Variants in IL21R observed in about 807,000 individuals in gnomAD.
IL21R encodes interleukin 21 receptor.
IL21R carries 14 observed loss-of-function variants against 41.3 expected under a neutral mutation model. The observed-to-expected ratio is 0.34, with a 90% confidence interval of 0.22 to 0.53. The LOEUF (loss-of-function observed/expected upper bound fraction) is 0.53. Ranked by LOEUF, IL21R falls within the 20% of genes least tolerant of loss-of-function variation. The pLI is 0.94. For synonymous variants in IL21R, 286 were observed against 287.6 expected, an observed-to-expected ratio of 0.99 and a Z score of 0.05; for missense variants, 588 against 681.6, an observed-to-expected ratio of 0.86 and a Z score of 1.53.
chr16:27,443,817 A>G (rs890619434), intron 5 of IL21R: 1 of 151,658 alleles, frequency 6.6e-6, no homozygotes, highest in African/African-American at 2.4e-5. Context: ...TAGAGGGCCC[A>G]TTGTTTCAAA....
chr16:27,421,366 C>T (rs118139452), intron 1 of IL21R, among the ~76,000 whole-genome samples: 6,169 of 139,738 alleles, frequency 0.044, 145 homozygotes, highest in Non-Finnish European at 0.057. Context: ...AAAGAGCCAG[C>T]TGGGATTTTT....
intron 1 of IL21R, 99 bp downstream of exon 1, chr16:27,402,717 T>A: frequency 5.4e-6 from 1 of 183,762 alleles, no homozygotes; most frequent in South Asian, 1.0e-4. Flanking sequence ...GTGGGAGGGC[T>A]CGGAGGACTG....
At chr16:27,436,562 C>T (rs1036522965) in intron 3 of IL21R, among the ~76,000 whole-genome samples, 4 of 152,194 alleles carry the variant, frequency 2.6e-5, no homozygotes, top group African/African-American at 9.7e-5. Flanking sequence ...AGAGAGTGGT[C>T]ATGTTCAGAT....
intron 7 of IL21R, among the ~76,000 whole-genome samples, chr16:27,445,802 G>C (rs549383348): frequency 6.6e-6 from 1 of 152,166 alleles, no homozygotes; most frequent in Admixed American, 6.5e-5. Context: ...ACATAACCAC[G>C]ATATCCCTTC....
At chr16:27,430,876 T>G (rs950429250) in intron 2 of IL21R, among the ~76,000 whole-genome samples, 1 of 149,390 alleles carries the variant, frequency 6.7e-6, no homozygotes, top group African/African-American at 2.6e-5. Flanking sequence ...TAGCAGGCAC[T>G]GGTGGTCCCT....
At position 27,418,515 on chromosome 16, in the gene IL21R, C is replaced by T. The variant is rs533465952; in HGVS notation, c.-16-11541C>T. 1.2e-3 allele frequency among the ~76,000 whole-genome samples: 190 copies of T among 152,124 alleles called. 1 individual carries two copies. Among genetic ancestry groups the T allele is most frequent in the African/African-American group, 4.1e-3 (171 of 41,506 alleles). On this transcript the variant is annotated intron_variant, in intron 1 of 8. Transcript: ENST00000337929. The stretch of plus-strand genomic sequence containing the variant: ...TCCAGAGTAGCTGGGACTACAGGTG[C>T]GCGCCACCACGCTCGGCTAATTTTT...
chr16:27,442,502 T>G lies in IL21R; in HGVS notation c.353-460T>G, dbSNP rs1166673492. ...CCTCAGCCTCCCGAGTAGATGGGAC[T>G]ACAGGCGCCCGCCACCACGCCCGGC... On this transcript the variant is annotated intron_variant, in intron 4 of 8. Transcript: ENST00000337929. 2.0e-5 allele frequency among the ~76,000 whole-genome samples: 3 copies of G among 152,288 alleles called. No individual in the cohort carries two copies. In the East Asian group the frequency reaches 5.8e-4, roughly 29 times the overall value.
rs369521371 is a variant in IL21R, at chr16:27,434,476, C to T, written c.152+27C>T. ...TAAGTAGCCGGGCCTCACCAGTCCC[C>T]GGGGATGCAATTCAGGGTGCCTGCT... On this transcript the variant is annotated intron_variant, in intron 3 of 8. Coordinates refer to ENST00000337929, the MANE Select transcript of IL21R (RefSeq NM_181078.3). The T allele has an allele frequency of 4.2e-4, 613 of 1,451,556 alleles. 1 individual carries two copies. Among genetic ancestry groups the T allele is most frequent in the Admixed American group, 7.3e-4 (43 of 58,860 alleles). 89.9% of individuals were successfully genotyped at this position (1,451,556 alleles called of 1,614,324 possible). A position where few individuals can be genotyped will look rare whatever the true frequency, so the allele number is the denominator to read the frequency against.
At chr16:27,416,372 A>T (rs1596569739) in intron 1 of IL21R, among the ~76,000 whole-genome samples, 1 of 152,268 alleles carries the variant, frequency 6.6e-6, no homozygotes, top group East Asian at 1.9e-4. Context: ...TCCTGACCTC[A>T]GGTCATCCAC....
intron 1 of IL21R, among the ~76,000 whole-genome samples, chr16:27,412,681 A>C (rs1461513788): frequency 6.6e-6 from 1 of 152,030 alleles, no homozygotes; most frequent in Non-Finnish European, 1.5e-5. Flanking sequence ...GTTTTATACA[A>C]GTCTTTCTCC....
At position 27,450,936 on chromosome 16, in the gene IL21R, T is replaced by C. The variant is rs1411886720; in HGVS notation, c.*1653T>C. On this transcript the variant is annotated 3_prime_UTR_variant, in exon 9 of 9. Transcript: ENST00000337929. ...GGAAGGTTCCTTCGTGACTCATCTG[T>C]GAAGTGGGGTGGTTGGGAGAGGTAG... 4.3e-6 allele frequency: 1 copy of C among 232,940 alleles called. No individual in the cohort carries two copies. Among genetic ancestry groups the C allele is most frequent in the Non-Finnish European group, 8.5e-6 (1 of 118,148 alleles). 14.4% of individuals were successfully genotyped at this position (232,940 alleles called of 1,614,324 possible).
chr16:27,419,122 G>A (rs2086956407), intron 1 of IL21R, among the ~76,000 whole-genome samples: 1 of 152,084 alleles, frequency 6.6e-6, no homozygotes, highest in Non-Finnish European at 1.5e-5. Context: ...GGCTGAGACA[G>A]GAGAATCACT....
At chr16:27,430,158 C>T (rs1200553106) in intron 2 of IL21R, 38 bp downstream of exon 2, 1 of 1,578,518 alleles carries the variant, frequency 6.3e-7, no homozygotes. Flanking sequence ...TGGGGAGGGC[C>T]CCCATCACAG....
In IL21R at chr16:27,449,916, T is replaced by C; in HGVS notation, c.*633T>C. ...TCTGAATCCCGACTCTGATACCTTC[T>C]GGCTGTGCTACCTGAGCCAAGTCGC... On this transcript the variant is annotated 3_prime_UTR_variant, in exon 9 of 9. Coordinates refer to ENST00000337929, the MANE Select transcript of IL21R (RefSeq NM_181078.3). 1 of 234,012 alleles carries C rather than the reference T, an allele frequency of 4.3e-6. No homozygotes were observed. Among genetic ancestry groups the C allele is most frequent in the Non-Finnish European group, 8.4e-6 (1 of 118,580 alleles). 14.5% of individuals were successfully genotyped at this position (234,012 alleles called of 1,614,324 possible). A position where few individuals can be genotyped will look rare whatever the true frequency, so the allele number is the denominator to read the frequency against.
At chr16:27,427,956 A>C (rs907218132) in intron 1 of IL21R, among the ~76,000 whole-genome samples, 15 of 152,204 alleles carry the variant, frequency 9.9e-5, no homozygotes, top group African/African-American at 3.6e-4. Flanking sequence ...TTAAATTTTT[A>C]AGTGTGCTTA....
chr16:27,437,381 T>C (rs2087289104), intron 3 of IL21R, 107 bp from the exon 4 acceptor site: 2 of 913,504 alleles, frequency 2.2e-6, no homozygotes, highest in Admixed American at 3.8e-5. Context: ...CTCAAATCCC[T>C]CCCAGCCCTG....
intron 1 of IL21R, among the ~76,000 whole-genome samples, chr16:27,423,229 C>T (rs1395841721): frequency 7.1e-6 from 1 of 140,494 alleles, no homozygotes; most frequent in African/African-American, 3.0e-5. Context: ...CTCTCTTGTG[C>T]AGTTTTTTTT....
Position 27,449,457 on chromosome 16 carries a change from CAT to C in IL21R, c.*175_*176del, listed in dbSNP as rs1491459849. The C allele has an allele frequency of 5.5e-5, 35 of 632,332 alleles. No individual in the cohort carries two copies. Among genetic ancestry groups the C allele is most frequent in the African/African-American group, 1.9e-4 (9 of 47,336 alleles). The allele number at this position is 632,332 out of a possible 1,614,324, so 39.2% of individuals were successfully genotyped here. ...GTGCATATGTGTGTGTGTGCATATG[CAT>C]GTGTGTGTGTGTGTGTGTCTTAGGT... On this transcript the variant is annotated 3_prime_UTR_variant, in exon 9 of 9. Transcript: ENST00000337929.
chr16:27,440,277 A>AGAGAGAGAGAGAGAGAGAGAGC (rs1320948814), intron 4 of IL21R, among the ~76,000 whole-genome samples: 13 of 136,624 alleles, frequency 9.5e-5, no homozygotes, highest in African/African-American at 2.9e-4. Context: ...AGAGAGAGAG[A>AGAGAGAGAGAGAGAGAGAGAGC]GAGCGAGCAA....
Sources: allele counts gnomAD v4.1 joint callset (sites outside exome capture counted in the v4.1 genomes callset), GRCh38; gene constraint gnomAD v4.1.1; transcripts MANE v1.5; gene names NCBI Gene and HGNC (gene_info 2026-07-23, HGNC 2026-07-21).